Variants in ASB4 observed in about 807,000 individuals in gnomAD.
The protein encoded by ASB4 is ankyrin repeat and SOCS box protein 4.
Under a neutral mutation model 38.6 loss-of-function variants are expected in ASB4, and 35 were observed. The ratio of observed to expected loss-of-function variants is 0.91; its 90% CI spans 0.69 to 1.20. ASB4 has a LOEUF of 1.20. Among genes scored for constraint, ASB4 ranks in the 50% most tolerant of loss-of-function variants. The probability of loss-of-function intolerance (pLI) is 0.00; values close to 1 mark genes in which losing one functional copy is unlikely to be tolerated. For missense variants in ASB4, 557 were observed against 527.2 expected (o/e 1.06, Z -0.55); for synonymous variants, 195 against 201.3 (o/e 0.97, Z 0.26).
chr7:95,518,926 T>C (rs988120698), intron 2 of ASB4, among the ~76,000 whole-genome samples: 7 of 152,076 alleles, frequency 4.6e-5, no homozygotes, highest in African/African-American at 1.4e-4. Flanking sequence ...GTTAGTAAGA[T>C]TATAGATAAG....
At position 95,537,850 on chromosome 7, in the gene ASB4, AT is replaced by A; in HGVS notation, c.*93del. ...CCTAAATAAAATGGTACTTGGGTTG[AT>A]TATAACACTTCAGGGATTTCAAAAC... On this transcript the variant is annotated 3_prime_UTR_variant, in exon 5 of 5. Transcript: ENST00000325885. 9.5e-7 allele frequency: 1 copy of A among 1,052,986 alleles called. No individual in the cohort carries two copies. The highest frequency in any genetic ancestry group is 1.6e-5 in the African/African-American group (1 of 62,842). 65.2% of individuals were successfully genotyped at this position (1,052,986 alleles called of 1,614,324 possible). A position where few individuals can be genotyped will look rare whatever the true frequency, so the allele number is the denominator to read the frequency against.
In ASB4 at chr7:95,515,164, T is replaced by TC. The variant is rs1491241455; in HGVS notation, c.488-12649_488-12648insC. ...AATTGTTTTTCTTTCTTTCTTTCTC[T>TC]TTCTCTTTCTTTCTTTCTTTCTTTC... On this transcript the variant is annotated intron_variant, in intron 2 of 4. Transcript: ENST00000325885. Among the ~76,000 whole-genome samples the TC allele has an allele frequency of 1.9e-4, 15 of 80,230 alleles. 1 individual carries two copies. Among genetic ancestry groups the TC allele is most frequent in the African/African-American group, 7.4e-4 (11 of 14,836 alleles). 52.6% of individuals were successfully genotyped at this position (80,230 alleles called of 152,430 possible).
intron 2 of ASB4, among the ~76,000 whole-genome samples, chr7:95,504,825 T>C (rs1790386025): frequency 6.6e-6 from 1 of 152,172 alleles, no homozygotes. Context: ...TGGTCACTGC[T>C]TTTTCCAGAA....
chr7:95,511,242 C>A (rs1158633221), intron 2 of ASB4, among the ~76,000 whole-genome samples: 3 of 152,138 alleles, frequency 2.0e-5, no homozygotes, highest in Admixed American at 6.5e-5. Flanking sequence ...ATTTTGTTGA[C>A]AGCCCGCCCC....
chr7:95,484,104 G>A (rs566085116), upstream of ASB4, among the ~76,000 whole-genome samples: 5 of 151,786 alleles, frequency 3.3e-5, 1 homozygote, highest in African/African-American at 1.2e-4. Flanking sequence ...GAGGCAGGAG[G>A]TTCGCTTAAA....
At chr7:95,477,921 AT>A (rs5885916), upstream of ASB4, among the ~76,000 whole-genome samples, 38 of 149,520 alleles carry the variant, frequency 2.5e-4, no homozygotes, top group South Asian at 1.5e-3. Flanking sequence ...TTGTTGTGCA[AT>A]TTTTTTTTTC....
At chr7:95,536,611 A>C in intron 4 of ASB4, 61 bp downstream of exon 4, 1 of 1,239,612 alleles carries the variant, frequency 8.1e-7, no homozygotes, top group Non-Finnish European at 1.1e-6. Context: ...CTGCTCTAGA[A>C]GTACAGAAAA....
downstream of ASB4, chr7:95,540,326 T>C (rs1318846457): frequency 6.6e-6 from 1 of 152,170 alleles, no homozygotes; most frequent in African/African-American, 2.4e-5. Context: ...TTTCATTGCT[T>C]TTATCAACAG....
chr7:95,549,800 C>A, the ASB4 span, among the ~76,000 whole-genome samples: 1 of 152,104 alleles, frequency 6.6e-6, no homozygotes, highest in African/African-American at 2.4e-5. Flanking sequence ...TACTGGAAAC[C>A]CTAGGAGCTT....
upstream of ASB4, among the ~76,000 whole-genome samples, chr7:95,475,886 A>G (rs1789972242): frequency 6.6e-6 from 1 of 152,190 alleles, no homozygotes. Flanking sequence ...TACTTAGTTA[A>G]GATTTATGGG....
At chr7:95,517,224 A>G (rs1184547575) in intron 2 of ASB4, among the ~76,000 whole-genome samples, 1 of 152,134 alleles carries the variant, frequency 6.6e-6, no homozygotes, top group Non-Finnish European at 1.5e-5. Context: ...GCTGAGGTGC[A>G]GTGGAGCCAT....
At chr7:95,515,231 TTTTC>T (rs367602513) in intron 2 of ASB4, among the ~76,000 whole-genome samples, 6,058 of 99,528 alleles carry the variant, frequency 0.061, 296 homozygotes, top group African/African-American at 0.08. Flanking sequence ...CTTTCTTTCT[TTTTC>T]TTTCTTTCTT....
chr7:95,543,946 C>G (rs1012759710), downstream of ASB4: 2 of 152,008 alleles, frequency 1.3e-5, no homozygotes, highest in Admixed American at 1.3e-4. Context: ...TTTTAGAGCA[C>G]CGTCATGATG....
chr7:95,534,364 C>T (rs1285957119), intron 3 of ASB4, among the ~76,000 whole-genome samples: 1 of 151,898 alleles, frequency 6.6e-6, no homozygotes, highest in Non-Finnish European at 1.5e-5. Flanking sequence ...GATGAACTAT[C>T]CTCCTCCTCA....
intron 1 of ASB4, among the ~76,000 whole-genome samples, chr7:95,491,080 G>A (rs1291549468): frequency 6.6e-6 from 1 of 152,122 alleles, no homozygotes; most frequent in Non-Finnish European, 1.5e-5. Context: ...TTGTAAAATG[G>A]AAGCTTTGAC....
chr7:95,538,777 C>CATGTG lies in ASB4; in HGVS notation c.*1020_*1021insGTGAT, dbSNP rs1354335287. ...GGCTCCAGTGCATGTGACAAGGAAG[C>CATGTG]ATAGGAAAATGGGGGAAAGAAAGTG... On this transcript the variant is annotated 3_prime_UTR_variant, in exon 5 of 5. Coordinates refer to ENST00000325885, the MANE Select transcript of ASB4 (RefSeq NM_016116.3). The CATGTG allele has an allele frequency of 2.0e-5, 3 of 152,012 alleles. No homozygotes were observed. Among genetic ancestry groups the CATGTG allele is most frequent in the Non-Finnish European group, 4.4e-5 (3 of 68,004 alleles). The allele number at this position is 152,012 out of a possible 1,614,324, so 9.4% of individuals were successfully genotyped here. A position where few individuals can be genotyped will look rare whatever the true frequency, so the allele number is the denominator to read the frequency against.
At chr7:95,525,219 C>T (rs1790720812) in intron 2 of ASB4, among the ~76,000 whole-genome samples, 1 of 152,178 alleles carries the variant, frequency 6.6e-6, no homozygotes, top group South Asian at 2.1e-4. Context: ...ACCCTAGACA[C>T]TTTAATTTTG....
intron 2 of ASB4, among the ~76,000 whole-genome samples, chr7:95,500,229 A>G (rs1201688450): frequency 6.6e-6 from 1 of 152,054 alleles, no homozygotes; most frequent in East Asian, 1.9e-4. Context: ...AAATGGGAGA[A>G]GAAACTTACT....
upstream of ASB4, among the ~76,000 whole-genome samples, chr7:95,475,869 G>A (rs1206790033): frequency 6.6e-6 from 1 of 152,132 alleles, no homozygotes; most frequent in African/African-American, 2.4e-5. Flanking sequence ...AGGTTGTGAA[G>A]AATCTTTACT....
Sources: allele counts gnomAD v4.1 joint callset (sites outside exome capture counted in the v4.1 genomes callset), GRCh38; gene constraint gnomAD v4.1.1; transcripts MANE v1.5; gene names NCBI Gene and HGNC (gene_info 2026-07-23, HGNC 2026-07-21).